The following REM2 variants were observed in gnomAD, a reference collection of about 807,000 sequenced individuals.
REM2 encodes the protein GTP-binding protein REM 2.
In REM2, 24 loss-of-function variants were observed where a neutral mutation model predicts 24.4. That is an observed-to-expected ratio of 0.98 (90% CI 0.71 to 1.38). The LOEUF (loss-of-function observed/expected upper bound fraction) is 1.38. REM2 is among the 40% of genes most tolerant of loss of function. The probability of loss-of-function intolerance (pLI) is 0.00; values close to 1 mark genes in which losing one functional copy is unlikely to be tolerated. For missense variants in REM2, 429 were observed against 467.8 expected, an observed-to-expected ratio of 0.92 and a Z score of 0.77; for synonymous variants, 187 against 198.0, an observed-to-expected ratio of 0.94 and a Z score of 0.47.
At chr14:22,883,923 ACTAT>A (rs887171246) in intron 1 of REM2, among the ~76,000 whole-genome samples, 5 of 150,370 alleles carry the variant, frequency 3.3e-5, no homozygotes, top group East Asian at 3.9e-4. Context: ...ACACACACAC[ACTAT>A]CTCTCTCTCT....
chr14:22,883,255 TGCACACGCACACGCACAC>T lies in REM2; in HGVS notation c.-20_-3del, dbSNP rs72363604. 1.3e-5 allele frequency: 15 copies of T among 1,166,212 alleles called. No homozygotes were observed. Among genetic ancestry groups the T allele is most frequent in the South Asian group, 7.8e-5 (6 of 76,950 alleles). The allele number at this position is 1,166,212 out of a possible 1,614,324, so 72.2% of individuals were successfully genotyped here. On this transcript the variant is annotated 5_prime_UTR_variant, in exon 1 of 5. Transcript: ENST00000267396. ...GAGAGGGTGCTGCGAGCTGCTGGGC[TGCACACGCACACGCACAC>T]GCACACGCACACTGATGCACACGGA... is the stretch of plus-strand genomic sequence containing the variant.
At position 22,887,115 on chromosome 14, in the gene REM2, C is replaced by T. The variant is rs1331958525; in HGVS notation, c.*206C>T. On this transcript the variant is annotated 3_prime_UTR_variant, in exon 5 of 5. Transcript: ENST00000267396. ...ACCCGCCCCAACGCGTTCTCTGGAG[C>T]TTTGGGCCTCAGGGCGCCTAGAAGG... 9.4e-6 allele frequency: 4 copies of T among 423,690 alleles called. No individual in the cohort carries two copies. In the East Asian group the frequency reaches 1.1e-4, roughly 11 times the overall value. The allele number at this position is 423,690 out of a possible 1,614,324, so 26.2% of individuals were successfully genotyped here.
At position 22,886,352 on chromosome 14, in the gene REM2, G is replaced by A; in HGVS notation, c.727+121G>A. The A allele has an allele frequency of 2.2e-6, 2 of 921,778 alleles. No homozygotes were observed. The highest frequency in any genetic ancestry group is 3.0e-5 in the South Asian group (2 of 65,586). The allele number at this position is 921,778 out of a possible 1,614,324, so 57.1% of individuals were successfully genotyped here. ...ACGCACTCACTTGCAATCAGACCCA[G>A]GCTAGGGGGACACTCCCAATGCCCC... On this transcript the variant is annotated intron_variant, in intron 4 of 4. Transcript: ENST00000267396. The surrounding 1 kb of genome is among the most constrained non-coding windows in gnomAD (Gnocchi z 5.9).
Position 22,887,429 on chromosome 14 carries a change from G to A in REM2, c.*520G>A, listed in dbSNP as rs182936697. The A allele has an allele frequency of 3.3e-5, 5 of 152,252 alleles. No homozygotes were observed. The East Asian group carries it at 9.7e-4, about 30-fold the overall frequency. The allele number at this position is 152,252 out of a possible 1,614,324, so 9.4% of individuals were successfully genotyped here. A position where few individuals can be genotyped will look rare whatever the true frequency, so the allele number is the denominator to read the frequency against. ...CCGAAAACGTTCTGGCTCTCATCTG[G>A]TGCGGCATGTGTCCACTTTGCCTTT... On this transcript the variant is annotated 3_prime_UTR_variant, in exon 5 of 5. Transcript: ENST00000267396.
rs2040124963 is a variant in REM2 at position 22,886,177 on chromosome 14, A to T, written c.673A>T (p.Ile225Phe). 3.7e-6 allele frequency: 6 copies of T among 1,613,822 alleles called. No individual in the cohort carries two copies. The highest frequency in any genetic ancestry group is 5.1e-6 in the Non-Finnish European group (6 of 1,179,888). ...AGRPHHDLPV[I>F]LVGNKSDLAR... The stretch of plus-strand genomic sequence containing the variant: ...GAGGCCGCACCACGACCTACCCGTT[A>T]TCCTCGTTGGAAACAAGAGCGACTT... Residue 225 changes from isoleucine to phenylalanine, a missense_variant, in exon 4 of 5, where the codon ATC becomes TTC. Transcript: ENST00000267396. The surrounding 1 kb of genome is among the most constrained non-coding windows in gnomAD (Gnocchi z 5.9).
In REM2 at chr14:22,886,012, G is replaced by A; in HGVS notation, c.520-12G>A. On this transcript the variant is annotated splice_polypyrimidine_tract_variant and intron_variant, in intron 3 of 4. Coordinates refer to ENST00000267396, the MANE Select transcript of REM2 (RefSeq NM_173527.3). The surrounding 1 kb of genome is among the most constrained non-coding windows in gnomAD (Gnocchi z 5.9). Reference sequence around the variant, plus strand: ...ATGCCTCCAGCCCTAACGTTCCTCTGCCTGTCTGCAGGGGGATGCAGGAGG... The same window carrying A: ...ATGCCTCCAGCCCTAACGTTCCTCTACCTGTCTGCAGGGGGATGCAGGAGG... 1.2e-6 allele frequency: 2 copies of A among 1,611,162 alleles called. No individual in the cohort carries two copies. The highest frequency in any genetic ancestry group is 8.5e-7 in the Non-Finnish European group (1 of 1,177,372).
Position 22,886,281 on chromosome 14 carries a change from C to A in REM2, c.727+50C>A. The A allele has an allele frequency of 6.7e-7, 1 of 1,502,122 alleles. No individual in the cohort carries two copies. The highest frequency in any genetic ancestry group is 9.1e-7 in the Non-Finnish European group (1 of 1,096,460). The allele number at this position is 1,502,122 out of a possible 1,614,324, so 93.0% of individuals were successfully genotyped here. On this transcript the variant is annotated intron_variant, in intron 4 of 4. Transcript: ENST00000267396. This position sits in a 1 kb window ranked among gnomAD's most constrained non-coding sequence, Gnocchi z 5.9. ...ACTTGCGATCTCAGGGGAATGCTCT[C>A]CCTTCCAAGTCACCTCTTCTCCCTA...
In REM2 at chr14:22,886,041, G is replaced by A; in HGVS notation, c.537G>A (p.Trp179Ter). The A allele has an allele frequency of 6.2e-7, 1 of 1,613,912 alleles. No individual in the cohort carries two copies. Among genetic ancestry groups the A allele is most frequent in the Non-Finnish European group, 8.5e-7 (1 of 1,179,810 alleles). The part of the protein sequence containing the change: ...DIWEQGDAGG[W>*]LRDHCLQTGD... ...GTCTGCAGGGGGATGCAGGAGGGTG[G>A]CTGCGGGACCACTGCCTTCAGACCG... Residue 179 changes from tryptophan (W) to a stop codon, truncating the protein, a stop_gained, in exon 4 of 5, where the codon TGG becomes TGA. Transcript: ENST00000267396. LOFTEE classifies it high-confidence loss of function. This position sits in a 1 kb window ranked among gnomAD's most constrained non-coding sequence, Gnocchi z 5.9.
In REM2 at chr14:22,884,795, C is replaced by A. The variant is rs2040106408; in HGVS notation, c.225C>A (p.His75Gln). Residue 75 changes from histidine to glutamine, a missense_variant, in exon 2 of 5, where the codon CAC becomes CAA. Coordinates refer to ENST00000267396, the MANE Select transcript of REM2 (RefSeq NM_173527.3). ...GCAGTATGCCTGTCCCCTACAAGCACCAGCTCCGGCGGGCCCAGGCTGTAG... is the reference window on the plus strand; with the variant it reads ...GCAGTATGCCTGTCCCCTACAAGCAACAGCTCCGGCGGGCCCAGGCTGTAG... Reference protein sequence around the residue: ...RRGSMPVPYKHQLRRAQAVDE... With the variant: ...RRGSMPVPYKQQLRRAQAVDE... 1 of 1,613,940 alleles carries A rather than the reference C, an allele frequency of 6.2e-7. No individual in the cohort carries two copies. Among genetic ancestry groups the A allele is most frequent in the Non-Finnish European group, 8.5e-7 (1 of 1,179,904 alleles).
rs1225599307 is a variant in REM2 at position 22,886,176 on chromosome 14, T to C, written c.672T>C (p.Val224=). 6.2e-7 allele frequency: 1 copy of C among 1,613,962 alleles called. No homozygotes were observed. Among genetic ancestry groups the C allele is most frequent in the South Asian group, 1.1e-5 (1 of 91,084 alleles). ...RAGRPHHDLP[V]ILVGNKSDLA... ...GGAGGCCGCACCACGACCTACCCGT[T>C]ATCCTCGTTGGAAACAAGAGCGACT... The change falls in exon 4 of 5, where the codon GTT becomes GTC. Residue 224 remains valine, a synonymous_variant. Transcript: ENST00000267396. The surrounding 1 kb of genome is among the most constrained non-coding windows in gnomAD (Gnocchi z 5.9).
Position 22,887,518 on chromosome 14 carries a change from A to C in REM2, c.*609A>C, listed in dbSNP as rs1261195708. ...CTGAGATGGATTCTCTTGACTTACCAGTCCACCACGGCACTTCCCCTTTAA... is the reference window on the plus strand; with the variant it reads ...CTGAGATGGATTCTCTTGACTTACCCGTCCACCACGGCACTTCCCCTTTAA... On this transcript the variant is annotated 3_prime_UTR_variant, in exon 5 of 5. Coordinates refer to ENST00000267396, the MANE Select transcript of REM2 (RefSeq NM_173527.3). 6.6e-6 allele frequency: 1 copy of C among 152,224 alleles called. No individual in the cohort carries two copies. Among genetic ancestry groups the C allele is most frequent in the Admixed American group, 6.5e-5 (1 of 15,286 alleles). The allele number at this position is 152,224 out of a possible 1,614,324, so 9.4% of individuals were successfully genotyped here. A position where few individuals can be genotyped will look rare whatever the true frequency, so the allele number is the denominator to read the frequency against.
chr14:22,886,969 C>T lies in REM2; in HGVS notation c.*60C>T. 1 of 1,307,624 alleles carries T rather than the reference C, an allele frequency of 7.6e-7. No individual in the cohort carries two copies. Among genetic ancestry groups the T allele is most frequent in the African/African-American group, 1.6e-5 (1 of 63,842 alleles). The allele number at this position is 1,307,624 out of a possible 1,614,324, so 81.0% of individuals were successfully genotyped here. On this transcript the variant is annotated 3_prime_UTR_variant, in exon 5 of 5. Coordinates refer to ENST00000267396, the MANE Select transcript of REM2 (RefSeq NM_173527.3). The surrounding 1 kb of genome is among the most constrained non-coding windows in gnomAD (Gnocchi z 5.9). ...TCACCGCGCCCTCCGCTCGCCCCCC[C>T]TCGCCCCGCCCCGCCCCCGTCCGGC...
At position 22,884,915 on chromosome 14, in the gene REM2, C is replaced by T; in HGVS notation, c.345C>T (p.Phe115=). The change falls in exon 2 of 5, where the codon TTC becomes TTT. Residue 115 remains phenylalanine (F), a synonymous_variant. Transcript: ENST00000267396. The stretch of plus-strand genomic sequence containing the variant: ...CCCCTGCTCAAAAGGATGGCATCTT[C>T]AAGGTCATGCTAGTGGGGGAGAGCG... ...EAAPAQKDGI[F]KVMLVGESGV... 1 of 1,611,762 alleles carries T rather than the reference C, an allele frequency of 6.2e-7. No homozygotes were observed. Among genetic ancestry groups the T allele is most frequent in the Non-Finnish European group, 8.5e-7 (1 of 1,178,270 alleles).
chr14:22,884,820 G>A lies in REM2; in HGVS notation c.250G>A (p.Asp84Asn). ...KHQLRRAQAVDELDWPPQASS... is the reference protein window; with the variant it reads ...KHQLRRAQAVNELDWPPQASS... ...CCAGCTCCGGCGGGCCCAGGCTGTA[G>A]ATGAACTTGACTGGCCACCTCAGGC... The change falls in exon 2 of 5, where the codon GAT becomes AAT. Residue 84 changes from aspartate to asparagine, a missense_variant. Physicochemically the swap from Asp to Asn is conservative, Grantham distance 23. Coordinates refer to ENST00000267396, the MANE Select transcript of REM2 (RefSeq NM_173527.3). 6.2e-7 allele frequency: 1 copy of A among 1,614,044 alleles called. No individual in the cohort carries two copies. Among genetic ancestry groups the A allele is most frequent in the East Asian group, 2.2e-5 (1 of 44,888 alleles).
At position 22,886,457 on chromosome 14, in the gene REM2, T is replaced by C; in HGVS notation, c.728-157T>C. 1.3e-6 allele frequency: 1 copy of C among 766,664 alleles called. No homozygotes were observed. The highest frequency in any genetic ancestry group is 2.1e-6 in the Non-Finnish European group (1 of 486,080). The allele number at this position is 766,664 out of a possible 1,614,324, so 47.5% of individuals were successfully genotyped here. ...CCTCCTTCTCCCTCTCCTTCGCACC[T>C]CCACAGACCCACCATATGAGCTCAG... On this transcript the variant is annotated intron_variant, in intron 4 of 4. Coordinates refer to ENST00000267396, the MANE Select transcript of REM2 (RefSeq NM_173527.3). The surrounding 1 kb of genome is among the most constrained non-coding windows in gnomAD (Gnocchi z 5.9).
chr14:22,883,921 ACACT>A (rs1307242278), intron 1 of REM2, among the ~76,000 whole-genome samples: 1 of 150,952 alleles, frequency 6.6e-6, no homozygotes, highest in African/African-American at 2.4e-5. Flanking sequence ...ACACACACAC[ACACT>A]ATCTCTCTCT....
chr14:22,885,506 G>A (rs997805769), intron 3 of REM2, among the ~76,000 whole-genome samples, 167 bp downstream of exon 3: 5 of 152,188 alleles, frequency 3.3e-5, no homozygotes, highest in South Asian at 4.1e-4. Context: ...ACTACAGCCT[G>A]TGGCTGTTAA....
Position 22,886,379 on chromosome 14 carries a change from C to T in REM2, c.727+148C>T, listed in dbSNP as rs2138813913. 5 of 786,482 alleles carry T rather than the reference C, an allele frequency of 6.4e-6. No individual in the cohort carries two copies. Among genetic ancestry groups the T allele is most frequent in the Non-Finnish European group, 1.0e-5 (5 of 482,158 alleles). 48.7% of individuals were successfully genotyped at this position (786,482 alleles called of 1,614,324 possible). On this transcript the variant is annotated intron_variant, in intron 4 of 4. Coordinates refer to ENST00000267396, the MANE Select transcript of REM2 (RefSeq NM_173527.3). The surrounding 1 kb of genome is among the most constrained non-coding windows in gnomAD (Gnocchi z 5.9). Reference sequence around the variant, plus strand: ...CTAGGGGGACACTCCCAATGCCCCACTCGAGGATCCTGAGAATCCCTTCTT... The same window carrying T: ...CTAGGGGGACACTCCCAATGCCCCATTCGAGGATCCTGAGAATCCCTTCTT...
rs1348112871 is a variant in REM2 at position 22,884,668 on chromosome 14, T to C, written c.104-6T>C. The C allele has an allele frequency of 6.3e-7, 1 of 1,589,234 alleles. No individual in the cohort carries two copies. The highest frequency in any genetic ancestry group is 1.8e-5 in the Admixed American group (1 of 55,584). On this transcript the variant is annotated splice_region_variant and splice_polypyrimidine_tract_variant and intron_variant, in intron 1 of 4. Transcript: ENST00000267396. ...TCCTTTTCTTTGCCCTCCCATTTTA[T>C]TTTAGAAGCAGATGCCACGCTACTA...
Sources: gnomAD v4.1 joint callset for allele counts (sites outside exome capture counted in the v4.1 genomes callset) on GRCh38, gnomAD v4.1.1 for gene constraint, Gnocchi (gnomAD v3.1) non-coding constraint, MANE v1.5 for transcripts, NCBI Gene and HGNC (gene_info 2026-07-23, HGNC 2026-07-21) for gene names.